The following XIAP variants were observed in gnomAD, a reference collection of about 807,000 sequenced individuals.
XIAP encodes the protein E3 ubiquitin-protein ligase XIAP.
XIAP carries 3 observed loss-of-function variants against 33.1 expected under a neutral mutation model. The observed-to-expected ratio is 0.09, with a 90% CI of 0.04 to 0.23. The LOEUF (loss-of-function observed/expected upper bound fraction) is 0.23, where lower values mean the gene tolerates loss of function less well. Among genes scored for constraint, XIAP ranks in the 10% least tolerant of loss-of-function variants. The pLI is 1.00. For missense variants in XIAP, 264 were observed against 363.0 expected, an observed-to-expected ratio of 0.73 and a Z score of 2.22; for synonymous variants, 98 against 121.3, an observed-to-expected ratio of 0.81 and a Z score of 1.26.
At chrX:123,887,343 G>A (rs1244474457) in intron 2 of XIAP, among the ~76,000 whole-genome samples, 1 of 112,321 alleles carries the variant, frequency 8.9e-6, no homozygotes, top group Non-Finnish European at 1.9e-5. Flanking sequence ...CCACTGCGCC[G>A]GCCATATGAG....
intron 1 of XIAP, among the ~76,000 whole-genome samples, chrX:123,870,035 C>T (rs747525068): frequency 8.9e-6 from 1 of 112,716 alleles, no homozygotes; most frequent in African/African-American, 3.2e-5. Context: ...TCTCAGCTCA[C>T]TGCAACCTCT....
rs190038378 is a variant in XIAP at position 123,893,245 on chromosome X, C to T, written c.1099+472C>T. Among the ~76,000 whole-genome samples, 766 of 109,631 alleles carry T rather than the reference C, an allele frequency of 7.0e-3. 7 individuals are homozygous for T. Among genetic ancestry groups the T allele is most frequent in the African/African-American group, 0.023 (710 of 30,220 alleles). Reference sequence around the variant, plus strand: ...AAATTTAAGAATTTAGGCGGCCGGGCGTGGTAGCTCACGCCTGTAATCCCA... The same window carrying T: ...AAATTTAAGAATTTAGGCGGCCGGGTGTGGTAGCTCACGCCTGTAATCCCA... On this transcript the variant is annotated intron_variant, in intron 5 of 6. Coordinates refer to ENST00000371199, the MANE Select transcript of XIAP (RefSeq NM_001167.4).
chrX:123,866,615 T>A (rs2148071250), intron 1 of XIAP, among the ~76,000 whole-genome samples: 1 of 102,876 alleles, frequency 9.7e-6, no homozygotes, highest in South Asian at 3.9e-4. Context: ...ATATAATATA[T>A]AATACAATAT....
Position 123,912,537 on chromosome X carries a change from A to T in XIAP, c.*5356A>T. On this transcript the variant is annotated 3_prime_UTR_variant, in exon 7 of 7. Transcript: ENST00000371199. ...GTAGTCCTGGCTACTCCGGAGCCTG[A>T]GGTGGGAGGATCGCTTGAGTCTGGG... is the stretch of plus-strand genomic sequence containing the variant. The T allele has an allele frequency of 3.1e-6, 1 of 327,497 alleles. No homozygotes were observed. 27.0% of individuals were successfully genotyped at this position (327,497 alleles called of 1,213,427 possible). A position where few individuals can be genotyped will look rare whatever the true frequency, so the allele number is the denominator to read the frequency against.
chrX:123,875,354 G>C (rs2053234989), intron 1 of XIAP, among the ~76,000 whole-genome samples: 1 of 111,111 alleles, frequency 9.0e-6, no homozygotes, highest in South Asian at 3.7e-4. Context: ...ATTTTTTTGA[G>C]AATATGTTTA....
intron 1 of XIAP, among the ~76,000 whole-genome samples, chrX:123,883,090 C>T (rs1453387306): frequency 9.6e-6 from 1 of 104,437 alleles, no homozygotes; most frequent in Non-Finnish European, 2.0e-5. Context: ...CCATCACGCC[C>T]GGCCTTTTTT....
At position 123,912,476 on chromosome X, in the gene XIAP, A is replaced by T. The variant is rs755335432; in HGVS notation, c.*5295A>T. ...AAGGCAAAACCCTGTCTCTACAAAA[A>T]ATACAAAAATTAGCTGGGCATGGTG... is the stretch of plus-strand genomic sequence containing the variant. On this transcript the variant is annotated 3_prime_UTR_variant, in exon 7 of 7. Coordinates refer to ENST00000371199, the MANE Select transcript of XIAP (RefSeq NM_001167.4). The T allele has an allele frequency of 9.5e-5, 31 of 325,944 alleles. No homozygotes were observed. The East Asian group carries it at 2.9e-3, about 31-fold the overall frequency. The allele number at this position is 325,944 out of a possible 1,213,427, so 26.9% of individuals were successfully genotyped here.
rs1458087663 is a variant in XIAP at position 123,911,564 on chromosome X, G to A, written c.*4383G>A. On this transcript the variant is annotated 3_prime_UTR_variant, in exon 7 of 7. Coordinates refer to ENST00000371199, the MANE Select transcript of XIAP (RefSeq NM_001167.4). ...GTGGTGGCACATGCCCATAGTCGCAGCTACTCTGGAGGCAGAGGCAGGAGG... is the reference window on the plus strand; with the variant it reads ...GTGGTGGCACATGCCCATAGTCGCAACTACTCTGGAGGCAGAGGCAGGAGG... 3.2e-6 allele frequency: 1 copy of A among 316,788 alleles called. No individual in the cohort carries two copies. Among genetic ancestry groups the A allele is most frequent in the Admixed American group, 3.3e-5 (1 of 29,854 alleles). 26.1% of individuals were successfully genotyped at this position (316,788 alleles called of 1,213,427 possible).
chrX:123,863,204 A>C (rs1157357364), intron 1 of XIAP, among the ~76,000 whole-genome samples: 1 of 111,742 alleles, frequency 8.9e-6, no homozygotes, highest in Non-Finnish European at 1.9e-5. Context: ...TAATCCCAGC[A>C]CTTTGGGAGG....
At chrX:123,893,532 A>T (rs1330716960) in intron 5 of XIAP, among the ~76,000 whole-genome samples, 3 of 110,807 alleles carry the variant, frequency 2.7e-5, no homozygotes, top group African/African-American at 9.9e-5. Flanking sequence ...GTCTCAAAAA[A>T]CAAAAATGAA....
At position 123,908,675 on chromosome X, in the gene XIAP, T is replaced by G; in HGVS notation, c.*1494T>G. 2.8e-6 allele frequency: 1 copy of G among 356,555 alleles called. No individual in the cohort carries two copies. Among genetic ancestry groups the G allele is most frequent in the Non-Finnish European group, 5.3e-6 (1 of 187,446 alleles). The allele number at this position is 356,555 out of a possible 1,213,427, so 29.4% of individuals were successfully genotyped here. ...TAGTAGTAGATACTTCTGAAATAAA[T>G]GTTCTCTCAAGATCCTTAAAACCTC... On this transcript the variant is annotated 3_prime_UTR_variant, in exon 7 of 7. Transcript: ENST00000371199.
At chrX:123,893,786 A>C (rs2053433042) in intron 5 of XIAP, among the ~76,000 whole-genome samples, 1 of 112,157 alleles carries the variant, frequency 8.9e-6, no homozygotes. Flanking sequence ...GATTGCAGCC[A>C]GCTGAGATCG....
rs1556407707 is a variant in XIAP, at chrX:123,899,157, A to ATATATGATTT, written c.1100-1331_1100-1330insGATTTTATAT. ...AAAAAAAAAAAAAATATATATATAT[A>ATATATGATTT]TATATATATGATTTTATATATATAT... is the stretch of plus-strand genomic sequence containing the variant. On this transcript the variant is annotated intron_variant, in intron 5 of 6. Transcript: ENST00000371199. Among the ~76,000 whole-genome samples, 12 of 38,377 alleles carry ATATATGATTT rather than the reference A, an allele frequency of 3.1e-4. 2 individuals are homozygous for ATATATGATTT. In the East Asian group the frequency reaches 3.6e-3, roughly 11 times the overall value. 33.3% of individuals were successfully genotyped at this position (38,377 alleles called of 115,157 possible). A position where few individuals can be genotyped will look rare whatever the true frequency, so the allele number is the denominator to read the frequency against.
In XIAP at chrX:123,912,602, T is replaced by TC. The variant is rs2053614377; in HGVS notation, c.*5423dup. 1 of 324,617 alleles carries TC rather than the reference T, an allele frequency of 3.1e-6. No individual in the cohort carries two copies. The highest frequency in any genetic ancestry group is 2.6e-5 in the South Asian group (1 of 37,822). The allele number at this position is 324,617 out of a possible 1,213,427, so 26.8% of individuals were successfully genotyped here. A position where few individuals can be genotyped will look rare whatever the true frequency, so the allele number is the denominator to read the frequency against. On this transcript the variant is annotated 3_prime_UTR_variant, in exon 7 of 7. Transcript: ENST00000371199. ...TTGAGCTATGATCATGGCACTGCATTCCAGCCTGGGTGACAGTGCAAGACC... is the reference window on the plus strand; with the variant it reads ...TTGAGCTATGATCATGGCACTGCATTCCCAGCCTGGGTGACAGTGCAAGACC...
At chrX:123,873,312 G>A (rs1466828767) in intron 1 of XIAP, among the ~76,000 whole-genome samples, 2 of 104,859 alleles carry the variant, frequency 1.9e-5, no homozygotes, top group Non-Finnish European at 3.9e-5. Context: ...GATTACAGGC[G>A]TGAGCCACCA....
In XIAP at chrX:123,890,780, A is replaced by G. The variant is rs774818254; in HGVS notation, c.978-458A>G. ...AACATGGTGAAACCCTGTCTCTACT[A>G]AAAATACAAAATTAGCCGGGCGTAG... On this transcript the variant is annotated intron_variant, in intron 3 of 6. Transcript: ENST00000371199. Among the ~76,000 whole-genome samples, 88 of 110,010 alleles carry G rather than the reference A, an allele frequency of 8.0e-4. 1 individual carries two copies. In the South Asian group the frequency reaches 0.033, roughly 42 times the overall value.
At chrX:123,877,805 C>G (rs2053259828) in intron 1 of XIAP, among the ~76,000 whole-genome samples, 1 of 110,065 alleles carries the variant, frequency 9.1e-6, no homozygotes, top group South Asian at 3.9e-4. Flanking sequence ...AACCCCGTCT[C>G]TACTAAAAAT....
At chrX:123,873,478 C>T (rs904691309) in intron 1 of XIAP, among the ~76,000 whole-genome samples, 1 of 109,395 alleles carries the variant, frequency 9.1e-6, no homozygotes, top group African/African-American at 3.3e-5. Context: ...CTGGCCCTCT[C>T]TCTCTCTCTT....
At chrX:123,874,063 A>T (rs1304212549) in intron 1 of XIAP, 1 of 111,681 alleles carries the variant, frequency 9.0e-6, no homozygotes, top group African/African-American at 3.3e-5. Context: ...AGTCATAAAA[A>T]TTACTTCCTG....
Sources: gnomAD v4.1 joint callset for allele counts (sites outside exome capture counted in the v4.1 genomes callset) on GRCh38, gnomAD v4.1.1 for gene constraint, MANE v1.5 for transcripts, NCBI Gene and HGNC (gene_info 2026-07-23, HGNC 2026-07-21) for gene names.